Variants in SBF2 observed in about 807,000 individuals in gnomAD.
The protein encoded by SBF2 is SET binding factor 2, also known as myotubularin-related protein 13.
A neutral mutation model predicts 225.2 loss-of-function variants in SBF2; 112 were observed. The observed-to-expected ratio is 0.50, with a 90% CI of 0.43 to 0.58. The LOEUF (loss-of-function observed/expected upper bound fraction) is 0.58, where lower values mean the gene tolerates loss of function less well. Among genes scored for constraint, SBF2 ranks in the 20% least tolerant of loss-of-function variants. SBF2 has a pLI of 0.00. For synonymous variants in SBF2, 763 were observed against 773.3 expected, an observed-to-expected ratio of 0.99 and a Z score of 0.22; for missense variants, 1,996 against 2,206.2, an observed-to-expected ratio of 0.90 and a Z score of 1.91.
intron 13 of SBF2, among the ~76,000 whole-genome samples, chr11:9,971,535 C>T (rs1867328746): frequency 6.6e-6 from 1 of 151,988 alleles, no homozygotes; most frequent in African/African-American, 2.4e-5. Flanking sequence ...AAAAATTAGC[C>T]AGGCATGGTG....
rs373771420 is a variant in SBF2 at position 10,286,166 on chromosome 11, G to GCGCGCACACA, written c.55+7848_55+7849insTGTGTGCGCG. On this transcript the variant is annotated intron_variant, in intron 1 of 39. Coordinates refer to ENST00000256190, the MANE Select transcript of SBF2 (RefSeq NM_030962.4). ...AATTTCTTCACATAAACACGCACAC[G>GCGCGCACACA]CACACACACACACACACACACACAC... Among the ~76,000 whole-genome samples the GCGCGCACACA allele has an allele frequency of 9.7e-4, 143 of 147,356 alleles. 1 individual carries two copies. The highest frequency in any genetic ancestry group is 3.5e-3 in the Middle Eastern group (1 of 286).
intron 16 of SBF2, among the ~76,000 whole-genome samples, chr11:9,936,413 G>C (rs1209435997): frequency 6.6e-6 from 1 of 152,150 alleles, no homozygotes; most frequent in Non-Finnish European, 1.5e-5. Flanking sequence ...CAAGGATCTA[G>C]AACTGGAAAT....
chr11:10,196,858 A>AT (rs1268280949), intron 1 of SBF2, among the ~76,000 whole-genome samples: 7 of 17,100 alleles, frequency 4.1e-4, no homozygotes, highest in East Asian at 1.7e-3. Context: ...ATATATATAT[A>AT]TATATATATT....
At chr11:10,286,461 G>C (rs1963798416) in intron 1 of SBF2, among the ~76,000 whole-genome samples, 1 of 150,368 alleles carries the variant, frequency 6.7e-6, no homozygotes, top group Admixed American at 6.7e-5. Flanking sequence ...CTGAGTTCAA[G>C]CCATTCTCCT....
intron 18 of SBF2, among the ~76,000 whole-genome samples, chr11:9,857,833 CA>C (rs1366650263): frequency 6.6e-6 from 1 of 152,192 alleles, no homozygotes; most frequent in South Asian, 2.1e-4. Flanking sequence ...TTATTACTGG[CA>C]TTTTTTTAAT....
chr11:10,136,923 T>A (rs1237830994), intron 2 of SBF2, among the ~76,000 whole-genome samples: 1 of 152,236 alleles, frequency 6.6e-6, no homozygotes, highest in Non-Finnish European at 1.5e-5. Context: ...TTTCCATATA[T>A]ATAATCTTGT....
Position 9,780,321 on chromosome 11 carries a change from T to C in SBF2, c.*97A>G, listed in dbSNP as rs1851925189. 9.4e-7 allele frequency: 1 copy of C among 1,058,324 alleles called. No individual in the cohort carries two copies. Among genetic ancestry groups the C allele is most frequent in the Non-Finnish European group, 1.4e-6 (1 of 700,998 alleles). The allele number at this position is 1,058,324 out of a possible 1,614,324, so 65.6% of individuals were successfully genotyped here. A position where few individuals can be genotyped will look rare whatever the true frequency, so the allele number is the denominator to read the frequency against. On this transcript the variant is annotated 3_prime_UTR_variant, in exon 40 of 40. Transcript: ENST00000256190. ...GGCAGGAGAACCTCAGGCCCTGGGA[T>C]AACTTGTTGTCAGCTCCTCAAGGAT...
chr11:10,110,862 A>C (rs1379961734), intron 2 of SBF2, among the ~76,000 whole-genome samples: 3 of 152,196 alleles, frequency 2.0e-5, no homozygotes, highest in Admixed American at 1.3e-4. Context: ...AAGAATGTAC[A>C]CATATACTAT....
intron 17 of SBF2, 33 bp from the exon 18 acceptor site, chr11:9,858,429 G>A (rs1857479159): frequency 1.2e-6 from 2 of 1,610,126 alleles, no homozygotes; most frequent in African/African-American, 2.7e-5. Context: ...TCATCATGGG[G>A]CTGGCAGAAT....
chr11:9,841,504 T>C (rs753186994), intron 25 of SBF2, among the ~76,000 whole-genome samples: 5 of 151,336 alleles, frequency 3.3e-5, no homozygotes, highest in Non-Finnish European at 5.9e-5. Context: ...ACCCAGGGCA[T>C]GCATACATAC....
At chr11:9,931,558 T>C (rs998858537) in intron 16 of SBF2, among the ~76,000 whole-genome samples, 1 of 152,034 alleles carries the variant, frequency 6.6e-6, no homozygotes, top group Non-Finnish European at 1.5e-5. Context: ...AAAGGAAAAC[T>C]AAACAACAGA....
rs1390065077 is a variant in SBF2 at position 9,778,703 on chromosome 11, C to T, written c.*1715G>A. On this transcript the variant is annotated 3_prime_UTR_variant, in exon 40 of 40. Transcript: ENST00000256190. ...TTTGTTTTATTCTTGAACCTTTAGT[C>T]CCATGTATGAATCCTGAGTGTTACC... 6.6e-6 allele frequency: 1 copy of T among 152,572 alleles called. No homozygotes were observed. The highest frequency in any genetic ancestry group is 1.5e-5 in the Non-Finnish European group (1 of 68,032). 9.5% of individuals were successfully genotyped at this position (152,572 alleles called of 1,614,324 possible). A position where few individuals can be genotyped will look rare whatever the true frequency, so the allele number is the denominator to read the frequency against.
At position 9,988,326 on chromosome 11, in the gene SBF2, A is replaced by G. The variant is rs192065310; in HGVS notation, c.1395+1171T>C. Among the ~76,000 whole-genome samples, 4 of 152,192 alleles carry G rather than the reference A, an allele frequency of 2.6e-5. No individual in the cohort carries two copies. The East Asian group carries it at 7.7e-4, about 29-fold the overall frequency. On this transcript the variant is annotated intron_variant, in intron 13 of 39. Coordinates refer to ENST00000256190, the MANE Select transcript of SBF2 (RefSeq NM_030962.4). ...TATAAGAATTCTAGAACATTGGAAA[A>G]ACCCTTCTAGACATTGGCTTAGGCA...
In SBF2 at chr11:10,279,601, C is replaced by T. The variant is rs563537252; in HGVS notation, c.55+14414G>A. Among the ~76,000 whole-genome samples the T allele has an allele frequency of 6.6e-5, 10 of 152,258 alleles. No individual in the cohort carries two copies. In the South Asian group the frequency reaches 1.9e-3, roughly 28 times the overall value. ...GATTTCCAGTTCTATTATATGCCTACGTGACCTGTCACCTCCCACAGTGTC... is the reference window on the plus strand; with the variant it reads ...GATTTCCAGTTCTATTATATGCCTATGTGACCTGTCACCTCCCACAGTGTC... On this transcript the variant is annotated intron_variant, in intron 1 of 39. Coordinates refer to ENST00000256190, the MANE Select transcript of SBF2 (RefSeq NM_030962.4).
intron 2 of SBF2, among the ~76,000 whole-genome samples, chr11:10,131,713 T>C (rs544273324): frequency 6.6e-6 from 1 of 152,162 alleles, no homozygotes; most frequent in Non-Finnish European, 1.5e-5. Context: ...AGTGCTGGGA[T>C]TACAGGCATG....
chr11:9,945,760 A>C (rs968851517), intron 16 of SBF2, among the ~76,000 whole-genome samples: 5 of 152,214 alleles, frequency 3.3e-5, no homozygotes, highest in African/African-American at 1.2e-4. Flanking sequence ...AAATAATAAA[A>C]AATGGGCAAA....
intron 2 of SBF2, among the ~76,000 whole-genome samples, chr11:10,142,748 C>T (rs1268187934): frequency 6.6e-6 from 1 of 152,034 alleles, no homozygotes; most frequent in African/African-American, 2.4e-5. Flanking sequence ...TTCTATAAAA[C>T]CACTGATACT....
intron 1 of SBF2, among the ~76,000 whole-genome samples, chr11:10,282,493 AC>A (rs1305711754): frequency 6.6e-6 from 1 of 152,080 alleles, no homozygotes; most frequent in Admixed American, 6.6e-5. Flanking sequence ...TTGATTATAG[AC>A]CATCACCTTT....
chr11:10,061,529 A>G (rs1950446047), intron 2 of SBF2, among the ~76,000 whole-genome samples: 1 of 152,246 alleles, frequency 6.6e-6, no homozygotes, highest in Non-Finnish European at 1.5e-5. Context: ...AATCACTAGC[A>G]TTCCTATACA....
Sources: gnomAD v4.1 joint callset for allele counts (sites outside exome capture counted in the v4.1 genomes callset) on GRCh38, gnomAD v4.1.1 for gene constraint, MANE v1.5 for transcripts, NCBI Gene and HGNC (gene_info 2026-07-23, HGNC 2026-07-21) for gene names.